CERS1: variants seen among roughly 807,000 people sequenced by gnomAD.
CERS1 encodes the protein ceramide synthase 1.
A neutral mutation model predicts 35.7 loss-of-function variants in CERS1; 16 were observed. That is an observed-to-expected ratio of 0.45 (90% CI 0.30 to 0.68). The LOEUF (loss-of-function observed/expected upper bound fraction) is 0.68. CERS1 is among the 30% of genes least tolerant of loss of function. CERS1 has a pLI of 0.08. For missense variants in CERS1, 454 were observed against 453.9 expected (o/e 1.00, Z 0.00); for synonymous variants, 243 against 201.6 (o/e 1.21, Z -1.74).
Position 18,896,047 on chromosome 19 carries a change from C to T in CERS1, c.26G>A (p.Gly9Glu). The T allele has an allele frequency of 1.0e-6, 1 of 987,374 alleles. No individual in the cohort carries two copies. The highest frequency in any genetic ancestry group is 1.2e-6 in the Non-Finnish European group (1 of 832,674). 61.2% of individuals were successfully genotyped at this position (987,374 alleles called of 1,614,324 possible). ...CGGCATGGGCTCGGGCCCCGTCGGCCCCGCCGCGGGCCCCGCCGCCGCCAT... is the reference window on the plus strand; with the variant it reads ...CGGCATGGGCTCGGGCCCCGTCGGCTCCGCCGCGGGCCCCGCCGCCGCCAT... MAAAGPAA[G>E]PTGPEPMPSY... The change falls in exon 1 of 8, where the codon GGG becomes GAG. Residue 9 changes from glycine (G) to glutamate (E), a missense_variant. By Grantham distance (98) the Gly-to-Glu change is moderately conservative. Coordinates refer to ENST00000623882, the MANE Select transcript of CERS1 (RefSeq NM_021267.5). This position sits in a 1 kb window ranked among gnomAD's most constrained non-coding sequence, Gnocchi z 5.9.
chr19:18,874,791 T>C (rs1039089348), intron 6 of CERS1, among the ~76,000 whole-genome samples: 7 of 152,104 alleles, frequency 4.6e-5, no homozygotes, highest in Non-Finnish European at 8.8e-5. Flanking sequence ...GAGGGGACCC[T>C]GGAGGTGAGG....
At chr19:18,873,549 T>C (rs2056011630) in intron 6 of CERS1, among the ~76,000 whole-genome samples, 1 of 151,588 alleles carries the variant, frequency 6.6e-6, no homozygotes, top group African/African-American at 2.4e-5. Context: ...TTTTAAAAAT[T>C]AGCCGGGGCC....
At chr19:18,869,893 A>G in intron 7 of CERS1, 90 bp downstream of exon 7, 1 of 1,297,500 alleles carries the variant, frequency 7.7e-7, no homozygotes, top group Non-Finnish European at 1.1e-6. Flanking sequence ...GGACCCTCGG[A>G]GCTGCTCGGG....
chr19:18,868,556 G>A lies in CERS1; in HGVS notation c.*1429C>T. ...CAAGGAGACCAGCGGAGCAGACCAC[G>A]CGGCATTTATTGTTGGGCCCGCGTC... On this transcript the variant is annotated 3_prime_UTR_variant, in exon 8 of 8. Coordinates refer to ENST00000623882, the MANE Select transcript of CERS1 (RefSeq NM_021267.5). 2 of 1,458,114 alleles carry A rather than the reference G, an allele frequency of 1.4e-6. No homozygotes were observed. The highest frequency in any genetic ancestry group is 1.4e-5 in the African/African-American group (1 of 70,970). 90.3% of individuals were successfully genotyped at this position (1,458,114 alleles called of 1,614,324 possible). A position where few individuals can be genotyped will look rare whatever the true frequency, so the allele number is the denominator to read the frequency against.
intron 2 of CERS1, 73 bp from the exon 3 acceptor site, chr19:18,884,340 C>A: frequency 7.0e-7 from 1 of 1,428,690 alleles, no homozygotes; most frequent in Non-Finnish European, 9.4e-7. Context: ...CCCGGTGACA[C>A]CCTCCAAGCC....
At position 18,878,989 on chromosome 19, in the gene CERS1, C is replaced by T. The variant is rs769106795; in HGVS notation, c.951G>A (p.Leu317=). Reference sequence around the variant, plus strand: ...CTGTGTCATACTCCCGCAGGTCCTTCAGCTCGTGCACCTGGCCTGTCAACA... The same window carrying T: ...CTGTGTCATACTCCCGCAGGTCCTTTAGCTCGTGCACCTGGCCTGTCAACA... ...AKVLTGQVHE[L]KDLREYDTAE... is the part of the protein sequence containing the mutation. Residue 317 remains leucine (L), a synonymous_variant, in exon 6 of 8, where the codon CTG becomes CTA. Transcript: ENST00000623882. This position sits in a 1 kb window ranked among gnomAD's most constrained non-coding sequence, Gnocchi z 4.6. 8.1e-6 allele frequency: 13 copies of T among 1,613,734 alleles called. No individual in the cohort carries two copies. The highest frequency in any genetic ancestry group is 1.0e-5 in the Non-Finnish European group (12 of 1,179,854).
At chr19:18,888,477 C>T (rs906611121) in intron 2 of CERS1, among the ~76,000 whole-genome samples, 1 of 145,732 alleles carries the variant, frequency 6.9e-6, no homozygotes, top group African/African-American at 2.6e-5. Flanking sequence ...GAGATCACAC[C>T]ACCACACTCC....
chr19:18,868,732 G>C lies in CERS1; in HGVS notation c.*1253C>G, dbSNP rs766727386. The stretch of plus-strand genomic sequence containing the variant: ...AGCAGGGCAGGTCGGCGGCTCCCGG[G>C]GCGGCCGCGTGCATGAGCGCGCGCA... On this transcript the variant is annotated 3_prime_UTR_variant, in exon 8 of 8. Coordinates refer to ENST00000623882, the MANE Select transcript of CERS1 (RefSeq NM_021267.5). 2 of 1,534,192 alleles carry C rather than the reference G, an allele frequency of 1.3e-6. No homozygotes were observed. The highest frequency in any genetic ancestry group is 1.8e-4 in the Middle Eastern group (1 of 5,646).
chr19:18,875,607 T>C (rs1017079166), intron 6 of CERS1, among the ~76,000 whole-genome samples: 3 of 152,070 alleles, frequency 2.0e-5, no homozygotes, highest in Non-Finnish European at 4.4e-5. Flanking sequence ...TGGAATCCTC[T>C]CTCTGCTGTG....
intron 3 of CERS1, among the ~76,000 whole-genome samples, chr19:18,882,850 G>A (rs1380468666): frequency 2.6e-5 from 4 of 151,294 alleles, no homozygotes; most frequent in Non-Finnish European, 5.9e-5. Context: ...CCACCACCAC[G>A]CCCAGCTAAT....
At position 18,870,938 on chromosome 19, in the gene CERS1, C is replaced by T. The variant is rs1023543669; in HGVS notation, c.1011-319G>A. ...CCGCTGGAGGGCAAAACCCACGTAC[C>T]GGCCTGGGCCTGACAACTCCACCGC... is the stretch of plus-strand genomic sequence containing the variant. On this transcript the variant is annotated intron_variant, in intron 6 of 7. Coordinates refer to ENST00000623882, the MANE Select transcript of CERS1 (RefSeq NM_021267.5). This position sits in a 1 kb window ranked among gnomAD's most constrained non-coding sequence, Gnocchi z 5.1. Among the ~76,000 whole-genome samples the T allele has an allele frequency of 3.9e-5, 6 of 152,180 alleles. No homozygotes were observed. The highest frequency in any genetic ancestry group is 4.1e-4 in the South Asian group (2 of 4,832).
intron 3 of CERS1, among the ~76,000 whole-genome samples, chr19:18,881,440 G>A (rs1219336055): frequency 6.6e-6 from 1 of 151,422 alleles, no homozygotes; most frequent in African/African-American, 2.4e-5. Context: ...CGCTGATCTC[G>A]AATTCCCAAC....
chr19:18,883,995 T>TC (rs1275310243), intron 3 of CERS1, 92 bp downstream of exon 3: 8 of 1,374,374 alleles, frequency 5.8e-6, no homozygotes, highest in Non-Finnish European at 7.9e-6. Context: ...TGTGATCCCC[T>TC]CCACGGCCTC....
intron 6 of CERS1, among the ~76,000 whole-genome samples, chr19:18,876,055 T>C (rs964892240): frequency 2.0e-5 from 3 of 152,154 alleles, no homozygotes; most frequent in Non-Finnish European, 2.9e-5. Context: ...AATGCCTTTT[T>C]TTCACTGCAA....
At chr19:18,889,718 C>T (rs2056447039) in intron 2 of CERS1, among the ~76,000 whole-genome samples, 1 of 152,160 alleles carries the variant, frequency 6.6e-6, no homozygotes, top group Non-Finnish European at 1.5e-5. Flanking sequence ...GAGTGAGTCA[C>T]CGCACCTGGC....
chr19:18,887,638 G>A (rs1371335479), intron 2 of CERS1, among the ~76,000 whole-genome samples: 2 of 151,164 alleles, frequency 1.3e-5, no homozygotes, highest in African/African-American at 2.4e-5. Flanking sequence ...CCACCTACTC[G>A]AAGGCTGAGG....
chr19:18,894,411 G>A (rs533009066), intron 1 of CERS1, among the ~76,000 whole-genome samples: 2 of 152,140 alleles, frequency 1.3e-5, no homozygotes, highest in African/African-American at 4.8e-5. Context: ...TGGCAACCAG[G>A]CTGCTGCCAA....
At chr19:18,890,866 G>A (rs992743930) in intron 2 of CERS1, among the ~76,000 whole-genome samples, 1 of 151,458 alleles carries the variant, frequency 6.6e-6, no homozygotes, top group Non-Finnish European at 1.5e-5. Context: ...GCTCATGCCT[G>A]TAATCCTGAC....
intron 2 of CERS1, among the ~76,000 whole-genome samples, chr19:18,890,414 C>T (rs2056461429): frequency 6.6e-6 from 1 of 152,254 alleles, no homozygotes; most frequent in African/African-American, 2.4e-5. Context: ...TGTGTCTCAG[C>T]TGTGGCATAC....
Sources: allele counts gnomAD v4.1 joint callset (sites outside exome capture counted in the v4.1 genomes callset), GRCh38; gene constraint gnomAD v4.1.1; non-coding constraint Gnocchi (gnomAD v3.1); transcripts MANE v1.5; gene names NCBI Gene and HGNC (gene_info 2026-07-23, HGNC 2026-07-21).